The following TPST1 variants were observed in gnomAD, a reference collection of about 807,000 sequenced individuals.
TPST1 encodes protein-tyrosine sulfotransferase 1.
TPST1 carries 20 observed loss-of-function variants against 34.8 expected under a neutral mutation model. The observed-to-expected ratio is 0.57, with a 90% CI of 0.40 to 0.84. The LOEUF (loss-of-function observed/expected upper bound fraction) is 0.84. Among genes scored for constraint, TPST1 ranks in the 40% least tolerant of loss-of-function variants. The pLI is 0.00. For synonymous variants in TPST1, 152 were observed against 159.4 expected (o/e 0.95, Z 0.35); for missense variants, 353 against 455.5 (o/e 0.78, Z 2.05).
intron 1 of TPST1, among the ~76,000 whole-genome samples, chr7:66,223,028 G>A (rs993345647): frequency 2.0e-5 from 3 of 152,070 alleles, no homozygotes; most frequent in Non-Finnish European, 4.4e-5. Context: ...AGTGCCATGT[G>A]ACTAAGAAAA....
intron 3 of TPST1, among the ~76,000 whole-genome samples, chr7:66,301,102 G>A (rs986998572): frequency 2.6e-5 from 4 of 152,152 alleles, no homozygotes; most frequent in East Asian, 3.8e-4. Context: ...CATTGTCAAC[G>A]AGCAATAGTA....
chr7:66,320,482 T>C (rs954492074), intron 3 of TPST1, among the ~76,000 whole-genome samples: 54 of 151,684 alleles, frequency 3.6e-4, no homozygotes, highest in African/African-American at 1.3e-3. Flanking sequence ...CTCCTGACCT[T>C]GTGATCTGCC....
intron 3 of TPST1, among the ~76,000 whole-genome samples, chr7:66,331,107 C>T (rs1296076573): frequency 1.3e-5 from 2 of 152,192 alleles, no homozygotes; most frequent in African/African-American, 4.8e-5. Flanking sequence ...TTTTCACTGG[C>T]TGTTGGCTGG....
chr7:66,238,179 TA>T (rs1245904525), intron 1 of TPST1, among the ~76,000 whole-genome samples: 2 of 152,006 alleles, frequency 1.3e-5, no homozygotes, highest in African/African-American at 2.4e-5. Flanking sequence ...ACCCTTATCT[TA>T]TCTCCTGCTA....
intron 2 of TPST1, among the ~76,000 whole-genome samples, chr7:66,271,055 G>T (rs10260426): frequency 0.67 from 101,152 of 151,948 alleles, 34,020 homozygotes; most frequent in African/African-American, 0.76. Flanking sequence ...TTGCTTTTTT[G>T]GGGCCAGTTT....
In TPST1 at chr7:66,205,392, T is replaced by G. The variant is rs542697202; in HGVS notation, c.-232T>G. 4 of 152,394 alleles carry G rather than the reference T, an allele frequency of 2.6e-5. No individual in the cohort carries two copies. In the South Asian group the frequency reaches 8.3e-4, roughly 32 times the overall value. The allele number at this position is 152,394 out of a possible 1,614,324, so 9.4% of individuals were successfully genotyped here. ...GAACGGCGCTGCTCTGCGGGGCCGGTCCAGGCTGGCAGCTGCCGGCGCTTG... is the reference window on the plus strand; with the variant it reads ...GAACGGCGCTGCTCTGCGGGGCCGGGCCAGGCTGGCAGCTGCCGGCGCTTG... On this transcript the variant is annotated 5_prime_UTR_variant, in exon 1 of 6. Coordinates refer to ENST00000304842, the MANE Select transcript of TPST1 (RefSeq NM_003596.4). This position sits in a 1 kb window ranked among gnomAD's most constrained non-coding sequence, Gnocchi z 5.0.
intron 3 of TPST1, among the ~76,000 whole-genome samples, chr7:66,323,765 T>C (rs1251863455): frequency 1.3e-5 from 2 of 152,196 alleles, no homozygotes; most frequent in Non-Finnish European, 2.9e-5. Context: ...TTGTGGTGAA[T>C]TGAAACTATA....
chr7:66,215,588 A>G (rs1225485346), intron 1 of TPST1, among the ~76,000 whole-genome samples: 2 of 151,444 alleles, frequency 1.3e-5, no homozygotes, highest in African/African-American at 4.8e-5. Flanking sequence ...GTTAGCCAGG[A>G]TGGTCTCGAT....
chr7:66,338,627 T>C (rs1236337536), intron 3 of TPST1, among the ~76,000 whole-genome samples: 3 of 152,188 alleles, frequency 2.0e-5, no homozygotes, highest in African/African-American at 7.2e-5. Flanking sequence ...ATATTTATCT[T>C]GTCACAGTGG....
intron 1 of TPST1, among the ~76,000 whole-genome samples, chr7:66,240,075 G>C (rs550950470): frequency 2.0e-5 from 3 of 152,032 alleles, no homozygotes; most frequent in African/African-American, 7.2e-5. Flanking sequence ...TTTTAGTAGA[G>C]ATGGGGTTTC....
chr7:66,358,060 G>T (rs1243542641), intron 5 of TPST1, among the ~76,000 whole-genome samples: 1 of 151,942 alleles, frequency 6.6e-6, no homozygotes, highest in Non-Finnish European at 1.5e-5. Context: ...CTCCAGCCTG[G>T]GTGACAAGAG....
chr7:66,334,777 C>A (rs1792062442), intron 3 of TPST1, among the ~76,000 whole-genome samples: 2 of 152,096 alleles, frequency 1.3e-5, no homozygotes, highest in Admixed American at 1.3e-4. Context: ...CCCCTTCCCC[C>A]CAAGCTGGCA....
At chr7:66,317,945 G>A (rs1269613869) in intron 3 of TPST1, among the ~76,000 whole-genome samples, 1 of 152,110 alleles carries the variant, frequency 6.6e-6, no homozygotes, top group African/African-American at 2.4e-5. Context: ...GATCACCTGA[G>A]GTCAGGTGTT....
At chr7:66,266,355 A>G (rs978089340) in intron 2 of TPST1, among the ~76,000 whole-genome samples, 3 of 152,218 alleles carry the variant, frequency 2.0e-5, no homozygotes, top group East Asian at 1.9e-4. Context: ...ATACCCCTCT[A>G]TATTCACCAG....
intron 3 of TPST1, among the ~76,000 whole-genome samples, chr7:66,296,256 C>A (rs1210419804): frequency 2.4e-5 from 1 of 41,448 alleles, no homozygotes; most frequent in African/African-American, 1.4e-4. Context: ...TTCCCCCCCC[C>A]CTCCCCCACC....
At chr7:66,313,379 C>G (rs1042689981) in intron 3 of TPST1, among the ~76,000 whole-genome samples, 1 of 152,130 alleles carries the variant, frequency 6.6e-6, no homozygotes, top group African/African-American at 2.4e-5. Flanking sequence ...CATGCCATAA[C>G]TCTCCAGCTT....
chr7:66,337,299 ATTTT>A (rs749288846), intron 3 of TPST1, among the ~76,000 whole-genome samples: 75 of 107,718 alleles, frequency 7.0e-4, no homozygotes, highest in African/African-American at 2.6e-3. Flanking sequence ...TAAAAGACAA[ATTTT>A]TTTTTTTTTT....
At chr7:66,305,672 ATGT>A (rs1395868296) in intron 3 of TPST1, among the ~76,000 whole-genome samples, 4 of 152,216 alleles carry the variant, frequency 2.6e-5, no homozygotes, top group Non-Finnish European at 5.9e-5. Context: ...AGTGGAAATA[ATGT>A]TGTGTCTCCC....
At chr7:66,243,462 G>A (rs761020985) in intron 2 of TPST1, among the ~76,000 whole-genome samples, 34 of 151,956 alleles carry the variant, frequency 2.2e-4, no homozygotes, top group Non-Finnish European at 2.2e-4. Flanking sequence ...TTTTGTTTTT[G>A]AGATGGAGTC....
Sources: allele counts gnomAD v4.1 joint callset (sites outside exome capture counted in the v4.1 genomes callset), GRCh38; gene constraint gnomAD v4.1.1; non-coding constraint Gnocchi (gnomAD v3.1); transcripts MANE v1.5; gene names NCBI Gene and HGNC (gene_info 2026-07-23, HGNC 2026-07-21).